BCO1: variants seen among roughly 807,000 people sequenced by gnomAD.
BCO1 encodes the protein beta,beta-carotene 15,15'-dioxygenase.
In BCO1, 54 loss-of-function variants were observed where a neutral mutation model predicts 56.3. The ratio of observed to expected loss-of-function variants is 0.96; its 90% CI spans 0.77 to 1.20. BCO1 has a LOEUF of 1.20. BCO1 is among the 50% of genes most tolerant of loss of function. The pLI is 0.00. For synonymous variants in BCO1, 318 were observed against 266.1 expected (o/e 1.20, Z -1.90); for missense variants, 801 against 690.9 (o/e 1.16, Z -1.79).
chr16:81,269,074 T>A (rs201023040), intron 6 of BCO1, among the ~76,000 whole-genome samples: 3,275 of 148,470 alleles, frequency 0.022, 193 homozygotes, highest in East Asian at 0.2. Context: ...TCTTTTTTTT[T>A]TTTTTTTTTT....
intron 7 of BCO1, among the ~76,000 whole-genome samples, chr16:81,273,639 C>CTTTTTTTTT (rs59815701): frequency 6.8e-6 from 1 of 146,300 alleles, no homozygotes; most frequent in Non-Finnish European, 1.5e-5. Context: ...TTTAAAAATC[C>CTTTTTTTTT]TTTTTTTTTT....
chr16:81,244,226 G>A (rs1040859907), intron 1 of BCO1, among the ~76,000 whole-genome samples: 3 of 152,206 alleles, frequency 2.0e-5, no homozygotes, highest in Non-Finnish European at 4.4e-5. Context: ...AGCATTTTCT[G>A]CAGCACCCTG....
chr16:81,283,329 C>G (rs776064103), intron 8 of BCO1, among the ~76,000 whole-genome samples: 2 of 151,924 alleles, frequency 1.3e-5, no homozygotes, highest in Non-Finnish European at 2.9e-5. Context: ...ATTACTCATG[C>G]CTGTAATCCC....
At chr16:81,278,435 A>G (rs1597372076) in intron 7 of BCO1, among the ~76,000 whole-genome samples, 1 of 152,170 alleles carries the variant, frequency 6.6e-6, no homozygotes, top group African/African-American at 2.4e-5. Context: ...CGTGCAAAAC[A>G]AGTCTTGCCC....
chr16:81,290,600 G>T lies in BCO1; in HGVS notation c.*23G>T. On this transcript the variant is annotated 3_prime_UTR_variant, in exon 11 of 11. Coordinates refer to ENST00000258168, the MANE Select transcript of BCO1 (RefSeq NM_017429.3). ...TGATGGTGTTGGGGTTTGGGTAGGG[G>T]AGGGGAGCTCGGCTGTCAGAACTCC... 2.5e-6 allele frequency: 4 copies of T among 1,587,032 alleles called. No individual in the cohort carries two copies. Among genetic ancestry groups the T allele is most frequent in the Non-Finnish European group, 3.4e-6 (4 of 1,159,636 alleles).
chr16:81,287,220 C>T, intron 9 of BCO1, 75 bp from the exon 10 acceptor site: 1 of 1,103,470 alleles, frequency 9.1e-7, no homozygotes, highest in Non-Finnish European at 1.4e-6. Context: ...TGTGGATCTT[C>T]ATGCACTCCT....
chr16:81,275,684 G>T lies in BCO1; in HGVS notation c.1102-5173G>T, dbSNP rs117348081. 2.1e-3 allele frequency among the ~76,000 whole-genome samples: 321 copies of T among 152,338 alleles called. 1 individual carries two copies. Among genetic ancestry groups the T allele is most frequent in the Admixed American group, 3.5e-3 (53 of 15,306 alleles). On this transcript the variant is annotated intron_variant, in intron 7 of 10. Transcript: ENST00000258168. ...TGGGAAGCAAGTTCTCTAAAAGGGC[G>T]CAGCATCTTCCTTCAGCCTTTGGAA...
Position 81,267,966 on chromosome 16 carries a change from A to T in BCO1, c.678A>T (p.Pro226=), listed in dbSNP as rs7202895. 6.8e-5 allele frequency: 110 copies of T among 1,613,624 alleles called. No homozygotes were observed. Among genetic ancestry groups the T allele is most frequent in the Non-Finnish European group, 9.0e-5 (106 of 1,179,984 alleles). The change falls in exon 6 of 11, where the codon CCA becomes CCT. Residue 226 remains proline, a synonymous_variant. Coordinates refer to ENST00000258168, the MANE Select transcript of BCO1 (RefSeq NM_017429.3). ...WKHTEVFCSI[P]SRSLLSPSYY... Reference sequence around the variant, plus strand: ...ACACAGAGGTGTTCTGCTCCATCCCATCCCGCTCCCTGCTCTCCCCAAGCT... The same window carrying T: ...ACACAGAGGTGTTCTGCTCCATCCCTTCCCGCTCCCTGCTCTCCCCAAGCT...
At chr16:81,274,859 G>A (rs1037015945) in intron 7 of BCO1, among the ~76,000 whole-genome samples, 3 of 150,968 alleles carry the variant, frequency 2.0e-5, no homozygotes, top group South Asian at 2.1e-4. Context: ...GCCTGATCCC[G>A]CCACTGCACT....
At position 81,268,014 on chromosome 16, in the gene BCO1, C is replaced by T. The variant is rs756402131; in HGVS notation, c.726C>T (p.Thr242=). Residue 242 remains threonine, a synonymous_variant, in exon 6 of 11, where the codon ACC becomes ACT. Transcript: ENST00000258168. The part of the protein sequence containing the change: ...SPSYYHSFGV[T]ENYVIFLEQP... ...GCTACTACCACAGCTTTGGAGTCAC[C>T]GAGAACTATGTCATCTTCCTTGAGC... 8.1e-6 allele frequency: 13 copies of T among 1,613,700 alleles called. No homozygotes were observed. Among genetic ancestry groups the T allele is most frequent in the African/African-American group, 2.7e-5 (2 of 74,880 alleles).
chr16:81,284,056 G>A (rs771101688), intron 8 of BCO1, among the ~76,000 whole-genome samples: 15 of 151,098 alleles, frequency 9.9e-5, no homozygotes, highest in Non-Finnish European at 1.9e-4. Flanking sequence ...AGCCGGATGT[G>A]GTGGCACGCA....
rs1567694682 is a variant in BCO1 at position 81,238,962 on chromosome 16, C to G, written c.54C>G (p.Ala18=). The G allele has an allele frequency of 2.5e-6, 4 of 1,613,628 alleles. No homozygotes were observed. Among genetic ancestry groups the G allele is most frequent in the Non-Finnish European group, 2.5e-6 (3 of 1,179,798 alleles). ...NRKEQLEPVR[A]KVTGKIPAWL... The stretch of plus-strand genomic sequence containing the variant: ...AAGAACAGCTGGAGCCTGTGAGGGC[C>G]AAAGTGACAGGTGAGCATTCTGATA... The change falls in exon 1 of 11, where the codon GCC becomes GCG. Residue 18 remains alanine (A), a synonymous_variant. Transcript: ENST00000258168.
intron 1 of BCO1, among the ~76,000 whole-genome samples, chr16:81,239,775 G>T (rs1388609965): frequency 1.3e-5 from 2 of 152,126 alleles, no homozygotes; most frequent in East Asian, 3.8e-4. Flanking sequence ...TCCTTTAGAG[G>T]CTCTGTGTTT....
chr16:81,238,720 A>AG lies in BCO1; in HGVS notation c.-186dup. On this transcript the variant is annotated 5_prime_UTR_variant, in exon 1 of 11. Transcript: ENST00000258168. ...GTAAAGAGATCCAGGGCTCTTGGAGAGGGACAAGTGAGAGCCAGCCAAAAA... is the reference window on the plus strand; with the variant it reads ...GTAAAGAGATCCAGGGCTCTTGGAGAGGGGACAAGTGAGAGCCAGCCAAAAA... The AG allele has an allele frequency of 1.5e-6, 1 of 648,794 alleles. No individual in the cohort carries two copies. Among genetic ancestry groups the AG allele is most frequent in the Admixed American group, 2.4e-5 (1 of 41,306 alleles). The allele number at this position is 648,794 out of a possible 1,614,324, so 40.2% of individuals were successfully genotyped here. A position where few individuals can be genotyped will look rare whatever the true frequency, so the allele number is the denominator to read the frequency against.
intron 2 of BCO1, among the ~76,000 whole-genome samples, chr16:81,257,415 C>T (rs996168319): frequency 7.9e-5 from 12 of 151,824 alleles, no homozygotes; most frequent in Non-Finnish European, 2.9e-5. Context: ...CAAGGGTGTG[C>T]CACCACACCC....
chr16:81,267,228 C>A (rs1237531485), intron 5 of BCO1, among the ~76,000 whole-genome samples: 2 of 152,126 alleles, frequency 1.3e-5, no homozygotes, highest in Non-Finnish European at 2.9e-5. Context: ...ATGACTCTGA[C>A]CATAATGATA....
intron 1 of BCO1, among the ~76,000 whole-genome samples, chr16:81,243,789 T>C (rs142655038): frequency 1.3e-5 from 2 of 152,288 alleles, no homozygotes; most frequent in Non-Finnish European, 2.9e-5. Flanking sequence ...TCTTCTTGTT[T>C]TGGGTTCCTC....
At chr16:81,283,611 T>C (rs1372143555) in intron 8 of BCO1, among the ~76,000 whole-genome samples, 1 of 152,070 alleles carries the variant, frequency 6.6e-6, no homozygotes, top group Admixed American at 6.6e-5. Flanking sequence ...GAGTGTTCCC[T>C]CTGCCTCACC....
intron 2 of BCO1, among the ~76,000 whole-genome samples, chr16:81,246,718 G>A (rs1304889530): frequency 6.6e-6 from 1 of 151,976 alleles, no homozygotes; most frequent in African/African-American, 2.4e-5. Flanking sequence ...GGTCATAGTG[G>A]CACACACCTG....
Sources: gnomAD v4.1 joint callset for allele counts (sites outside exome capture counted in the v4.1 genomes callset) on GRCh38, gnomAD v4.1.1 for gene constraint, MANE v1.5 for transcripts, NCBI Gene and HGNC (gene_info 2026-07-23, HGNC 2026-07-21) for gene names.